Variants in KLC1 observed in about 807,000 individuals in gnomAD.
KLC1 encodes the protein kinesin light chain 1, also known as kinesin 2 60/70kDa.
KLC1 carries 30 observed loss-of-function variants against 84.2 expected under a neutral mutation model. The ratio of observed to expected loss-of-function variants is 0.36; its 90% CI spans 0.27 to 0.48. The LOEUF (loss-of-function observed/expected upper bound fraction) is 0.48. KLC1 is among the 20% of genes least tolerant of loss of function. KLC1 has a pLI of 0.99. For missense variants in KLC1, 499 were observed against 805.4 expected (o/e 0.62, Z 4.60); for synonymous variants, 289 against 293.3 (o/e 0.99, Z 0.15).
At position 103,692,383 on chromosome 14, in the gene KLC1, T is replaced by C. The variant is rs994919006; in HGVS notation, c.1806T>C (p.Asn602=). The C allele has an allele frequency of 7.2e-6, 11 of 1,536,644 alleles. No individual in the cohort carries two copies. Among genetic ancestry groups the C allele is most frequent in the Middle Eastern group, 3.3e-4 (2 of 6,018 alleles). Residue 602 remains asparagine (N), a synonymous_variant, in exon 15 of 17, where the codon AAT becomes AAC. Coordinates refer to ENST00000334553, the MANE Select transcript of KLC1 (RefSeq NM_001394837.1). ...NPGMKRASSL[N]VLNVGGKAAE... ...GCATGAAGCGTGCCAGCTCTCTGAA[T>C]GTCCTTAACGTGGGTGGCAAGGCTG...
intron 15 of KLC1, chr14:103,698,643 C>A: frequency 1.4e-6 from 1 of 719,276 alleles, no homozygotes; most frequent in East Asian, 2.7e-5. Context: ...TCTGTGGCCA[C>A]CATCTTCGGA....
At chr14:103,654,877 G>A in intron 2 of KLC1, 52 bp downstream of exon 2, 2 of 1,563,218 alleles carry the variant, frequency 1.3e-6, no homozygotes, top group Non-Finnish European at 1.7e-6. Context: ...TGGTAAAATG[G>A]AGACTTGTTT....
chr14:103,692,408 G>A lies in KLC1; in HGVS notation c.1831G>A (p.Ala611Thr), dbSNP rs1316379822. 2 of 1,536,528 alleles carry A rather than the reference G, an allele frequency of 1.3e-6. No homozygotes were observed. The highest frequency in any genetic ancestry group is 2.7e-5 in the African/African-American group (2 of 73,050). ...LNVLNVGGKA[A>T]EDRFQGVSGR... is the part of the protein sequence containing the mutation. ...TGTCCTTAACGTGGGTGGCAAGGCT[G>A]CTGAAGATCGCTTTCAAGTAAGGAG... is the stretch of plus-strand genomic sequence containing the variant. The change falls in exon 15 of 17, where the codon GCT (alanine) becomes ACT (threonine). Residue 611 changes from alanine to threonine, a missense_variant. Physicochemically the swap from Ala to Thr is moderately conservative, Grantham distance 58. Around this residue, in one of 3 missense-constraint regions of KLC1, gnomAD observed 167 missense variants for 208.8 expected, o/e 0.80. Transcript: ENST00000334553.
intron 13 of KLC1, chr14:103,686,789 A>G (rs187336264): frequency 2.5e-4 from 44 of 173,918 alleles, no homozygotes; most frequent in African/African-American, 9.0e-4. Flanking sequence ...TTTGTCTCAA[A>G]ATAGCAGGAT....
rs58151718 is a variant in KLC1 at position 103,658,656 on chromosome 14, C to CTTT, written c.492+897_492+899dup. On this transcript the variant is annotated intron_variant, in intron 3 of 16. Transcript: ENST00000334553. ...CAACATTTATTTCTGATTCAGTTAA[C>CTTT]TTTTTTTTTTTTTTTTTTTGAGATG... Among the ~76,000 whole-genome samples, 39 of 107,944 alleles carry CTTT rather than the reference C, an allele frequency of 3.6e-4. No homozygotes were observed. In the East Asian group the frequency reaches 7.4e-3, roughly 20 times the overall value. 70.8% of individuals were successfully genotyped at this position (107,944 alleles called of 152,430 possible). A position where few individuals can be genotyped will look rare whatever the true frequency, so the allele number is the denominator to read the frequency against.
intron 5 of KLC1, among the ~76,000 whole-genome samples, chr14:103,663,327 G>A (rs1433994931): frequency 3.3e-5 from 5 of 152,048 alleles, no homozygotes; most frequent in East Asian, 1.9e-4. Flanking sequence ...TGATCCGCCC[G>A]CCTCAGCCTC....
At chr14:103,681,317 A>G (rs2081325029) in intron 13 of KLC1, among the ~76,000 whole-genome samples, 1 of 152,180 alleles carries the variant, frequency 6.6e-6, no homozygotes, top group African/African-American at 2.4e-5. Flanking sequence ...GGAGTCTTAG[A>G]TAAAATGAGT....
chr14:103,649,503 A>G (rs959150561), intron 1 of KLC1, among the ~76,000 whole-genome samples: 2 of 139,966 alleles, frequency 1.4e-5, no homozygotes, highest in African/African-American at 5.2e-5. Context: ...CCAAGGTGGG[A>G]GGATCACTGG....
intron 12 of KLC1, 97 bp from the exon 13 acceptor site, chr14:103,679,286 CT>C (rs1308065393): frequency 8.0e-7 from 1 of 1,244,540 alleles, no homozygotes; most frequent in Non-Finnish European, 1.1e-6. Flanking sequence ...TGATTAAGAA[CT>C]GTTTTTTTTT....
At chr14:103,666,715 C>CG (rs1352618104) in intron 5 of KLC1, among the ~76,000 whole-genome samples, 1 of 143,364 alleles carries the variant, frequency 7.0e-6, no homozygotes, top group African/African-American at 2.6e-5. Context: ...CCACCCACCC[C>CG]GGCCTCCCAA....
At chr14:103,669,620 A>G in intron 6 of KLC1, 22 bp downstream of exon 6, 2 of 1,439,540 alleles carry the variant, frequency 1.4e-6, no homozygotes, top group Non-Finnish European at 2.0e-6. Flanking sequence ...CAGTTCTTTC[A>G]TTCTTTTAAT....
At chr14:103,698,196 G>C (rs1373898396) in intron 15 of KLC1, 2 of 160,288 alleles carry the variant, frequency 1.2e-5, no homozygotes, top group Non-Finnish European at 2.7e-5. Context: ...GGTGGGATAT[G>C]CTTTCTCCAC....
intron 1 of KLC1, among the ~76,000 whole-genome samples, chr14:103,637,479 G>A (rs140935973): frequency 0.011 from 1,610 of 151,704 alleles, 33 homozygotes; most frequent in African/African-American, 0.037. Flanking sequence ...GCAGTGAGTC[G>A]AGATTGCGAC....
chr14:103,699,314 T>C (rs567960077), intron 15 of KLC1: 322 of 1,555,760 alleles, frequency 2.1e-4, no homozygotes, highest in Non-Finnish European at 2.5e-4. Flanking sequence ...TGCTTCCGCA[T>C]CCTGGCTAAA....
At chr14:103,700,900 G>A (rs1419551014) in intron 16 of KLC1, among the ~76,000 whole-genome samples, 173 bp downstream of exon 16, 1 of 152,216 alleles carries the variant, frequency 6.6e-6, no homozygotes, top group Admixed American at 6.5e-5. Flanking sequence ...GCAAGCCCAA[G>A]GGCCACAGAG....
intron 15 of KLC1, chr14:103,698,995 G>A (rs867998018): frequency 5.6e-6 from 9 of 1,594,490 alleles, no homozygotes; most frequent in Non-Finnish European, 7.7e-6. Flanking sequence ...CCAAGGGCTG[G>A]GGAAACACGT....
intron 1 of KLC1, among the ~76,000 whole-genome samples, chr14:103,640,593 C>A (rs2077411609): frequency 1.3e-5 from 2 of 152,222 alleles, no homozygotes; most frequent in Admixed American, 6.5e-5. Context: ...ATCTCCTGAC[C>A]TTGTGATCTG....
intron 15 of KLC1, chr14:103,696,463 AATG>A: frequency 2.0e-6 from 2 of 984,770 alleles, no homozygotes; most frequent in East Asian, 2.3e-4. Flanking sequence ...AAACATTGCT[AATG>A]ATGTATCGTT....
At chr14:103,670,435 C>G (rs1364500999) in intron 7 of KLC1, 152 bp downstream of exon 7, 1 of 530,960 alleles carries the variant, frequency 1.9e-6, no homozygotes, top group Non-Finnish European at 3.4e-6. Flanking sequence ...CTCCATGGTT[C>G]AGGTGATTCT....
Sources: gnomAD v4.1 joint callset for allele counts (sites outside exome capture counted in the v4.1 genomes callset) on GRCh38, gnomAD v4.1.1 for gene constraint, gnomAD v4.1.1 regional missense constraint, MANE v1.5 for transcripts, NCBI Gene and HGNC (gene_info 2026-07-23, HGNC 2026-07-21) for gene names.